The following CMIP variants were observed in gnomAD, a reference collection of about 807,000 sequenced individuals.
CMIP encodes C-Maf-inducing protein.
In CMIP, 13 loss-of-function variants were observed where a neutral mutation model predicts 97.3. That is an observed-to-expected ratio of 0.13 (90% CI 0.09 to 0.21). The LOEUF is 0.21. Among genes scored for constraint, CMIP ranks in the 10% least tolerant of loss-of-function variants. The probability of loss-of-function intolerance (pLI) is 1.00; values close to 1 mark genes in which losing one functional copy is unlikely to be tolerated. For synonymous variants in CMIP, 538 were observed against 436.3 expected (o/e 1.23, Z -2.91); for missense variants, 847 against 1,024.9 (o/e 0.83, Z 2.37).
chr16:81,676,263 G>C (rs1400918791), intron 9 of CMIP, among the ~76,000 whole-genome samples: 1 of 152,136 alleles, frequency 6.6e-6, no homozygotes, highest in Admixed American at 6.5e-5. Context: ...ATATCACCCA[G>C]AGAAGCACGA....
chr16:81,468,410 G>C (rs942123443), intron 1 of CMIP, among the ~76,000 whole-genome samples: 1 of 152,250 alleles, frequency 6.6e-6, no homozygotes, highest in Non-Finnish European at 1.5e-5. Flanking sequence ...CCCTCTCCTT[G>C]CGGGTAAATT....
chr16:81,523,270 C>A (rs7200135), intron 1 of CMIP, among the ~76,000 whole-genome samples: 5 of 152,190 alleles, frequency 3.3e-5, no homozygotes, highest in Admixed American at 6.5e-5. Context: ...CCACCCTATC[C>A]GACGATGCTC....
chr16:81,623,357 T>C (rs1408507862), intron 3 of CMIP, among the ~76,000 whole-genome samples: 5 of 152,260 alleles, frequency 3.3e-5, no homozygotes, highest in Admixed American at 3.3e-4. Context: ...GGTTGCTAAA[T>C]TTAATCAAGC....
intron 1 of CMIP, among the ~76,000 whole-genome samples, chr16:81,455,515 G>A (rs1260596908): frequency 6.6e-6 from 1 of 152,218 alleles, no homozygotes; most frequent in Non-Finnish European, 1.5e-5. Context: ...GTAACCCCAC[G>A]GGCCTCTGGC....
chr16:81,546,397 G>T (rs2090546809), intron 1 of CMIP, among the ~76,000 whole-genome samples: 1 of 152,194 alleles, frequency 6.6e-6, no homozygotes. Context: ...AGGATGAACT[G>T]GGCTGGAGGT....
At chr16:81,567,941 T>C (rs1037617334) in intron 1 of CMIP, among the ~76,000 whole-genome samples, 2 of 152,204 alleles carry the variant, frequency 1.3e-5, no homozygotes, top group East Asian at 1.9e-4. Flanking sequence ...AGGCTTTATT[T>C]TGAGTGAAGT....
chr16:81,602,305 A>G (rs960257637), intron 1 of CMIP, among the ~76,000 whole-genome samples: 1 of 152,244 alleles, frequency 6.6e-6, no homozygotes, highest in Non-Finnish European at 1.5e-5. Context: ...TTTATAAAAA[A>G]TTATATATTA....
At chr16:81,578,072 A>G (rs955979901) in intron 1 of CMIP, among the ~76,000 whole-genome samples, 3 of 151,826 alleles carry the variant, frequency 2.0e-5, no homozygotes, top group Admixed American at 1.3e-4. Context: ...CATCATCACC[A>G]TCACCTTCAT....
At chr16:81,695,775 G>A in intron 13 of CMIP, 1 of 152,972 alleles carries the variant, frequency 6.5e-6, no homozygotes, top group Non-Finnish European at 1.5e-5. Context: ...ACACAGCTCT[G>A]GGAAGGAATG....
At chr16:81,572,343 C>T (rs1182740621) in intron 1 of CMIP, among the ~76,000 whole-genome samples, 1 of 152,174 alleles carries the variant, frequency 6.6e-6, no homozygotes, top group African/African-American at 2.4e-5. Context: ...TGAACGCGGT[C>T]GCTCTTGGAA....
chr16:81,456,353 G>A (rs1299010283), intron 1 of CMIP, among the ~76,000 whole-genome samples: 3 of 152,222 alleles, frequency 2.0e-5, no homozygotes, highest in South Asian at 2.1e-4. Flanking sequence ...GAGACCTCAA[G>A]AGTTCAAGGT....
intron 3 of CMIP, among the ~76,000 whole-genome samples, chr16:81,647,918 C>G (rs1450716504): frequency 3.3e-5 from 4 of 121,958 alleles, no homozygotes; most frequent in African/African-American, 1.4e-4. Context: ...ACCCTCCCCC[C>G]GCACCCGCAG....
At chr16:81,449,834 C>G (rs1906099469) in intron 1 of CMIP, among the ~76,000 whole-genome samples, 1 of 152,184 alleles carries the variant, frequency 6.6e-6, no homozygotes, top group South Asian at 2.1e-4. Context: ...CTGCCTTTCC[C>G]AGGCTGTAAT....
At chr16:81,487,925 T>C (rs2089343873) in intron 1 of CMIP, among the ~76,000 whole-genome samples, 1 of 152,216 alleles carries the variant, frequency 6.6e-6, no homozygotes, top group South Asian at 2.1e-4. Context: ...TTCGAATGCC[T>C]CTTCTTGCAT....
chr16:81,474,978 C>G (rs888562301), intron 1 of CMIP, among the ~76,000 whole-genome samples: 2 of 152,228 alleles, frequency 1.3e-5, no homozygotes, highest in African/African-American at 4.8e-5. Flanking sequence ...TGGGATGTCA[C>G]TTCACTTAAG....
At chr16:81,523,042 T>C (rs1025000516) in intron 1 of CMIP, among the ~76,000 whole-genome samples, 1 of 152,118 alleles carries the variant, frequency 6.6e-6, no homozygotes, top group African/African-American at 2.4e-5. Flanking sequence ...TCCTCCCACC[T>C]CAGCCCCCCA....
intron 1 of CMIP, among the ~76,000 whole-genome samples, chr16:81,525,953 T>G (rs2090123386): frequency 6.6e-6 from 1 of 151,944 alleles, no homozygotes; most frequent in South Asian, 2.1e-4. Context: ...ATCCTTTTTT[T>G]TGTTTAAAGG....
At chr16:81,545,197 C>A (rs1407200224) in intron 1 of CMIP, among the ~76,000 whole-genome samples, 1 of 152,172 alleles carries the variant, frequency 6.6e-6, no homozygotes, top group African/African-American at 2.4e-5. Context: ...GGTGCCTTAG[C>A]TTCTTCCATC....
chr16:81,669,664 ACC>A (rs2092661288), intron 7 of CMIP, among the ~76,000 whole-genome samples: 1 of 47,358 alleles, frequency 2.1e-5, no homozygotes, highest in Admixed American at 2.3e-4. Context: ...TTCCACACCC[ACC>A]TCACACTCAC....
Sources: gnomAD v4.1 joint callset for allele counts (sites outside exome capture counted in the v4.1 genomes callset) on GRCh38, gnomAD v4.1.1 for gene constraint, MANE v1.5 for transcripts, NCBI Gene and HGNC (gene_info 2026-07-23, HGNC 2026-07-21) for gene names.